The following IER3IP1 variants were observed in gnomAD, a reference collection of about 807,000 sequenced individuals.
IER3IP1 encodes the protein immediate early response 3-interacting protein 1.
IER3IP1 carries 16 observed loss-of-function variants against 12.2 expected under a neutral mutation model. The observed-to-expected ratio is 1.31, with a 90% confidence interval of 0.89 to 1.99. The LOEUF is 1.99. Among genes scored for constraint, IER3IP1 ranks in the 30% most tolerant of loss-of-function variants. The pLI is 0.00. For synonymous variants in IER3IP1, 42 were observed against 40.0 expected, an observed-to-expected ratio of 1.05 and a Z score of -0.19; for missense variants, 95 against 95.8, an observed-to-expected ratio of 0.99 and a Z score of 0.03.
chr18:47,162,692 G>A (rs1387179057), intron 1 of IER3IP1, among the ~76,000 whole-genome samples: 1 of 151,902 alleles, frequency 6.6e-6, no homozygotes, highest in Admixed American at 6.6e-5. Context: ...GAAAAAAAAA[G>A]AGGCAATTAT....
chr18:47,168,545 CT>C (rs1295620923), intron 1 of IER3IP1, among the ~76,000 whole-genome samples: 1 of 152,146 alleles, frequency 6.6e-6, no homozygotes, highest in African/African-American at 2.4e-5. Context: ...TTGTGCCTGT[CT>C]TTTGCTCAAA....
chr18:47,157,283 A>G (rs956720263), intron 2 of IER3IP1, 153 bp downstream of exon 2: 4 of 652,836 alleles, frequency 6.1e-6, no homozygotes, highest in Admixed American at 5.7e-5. Flanking sequence ...GAAAAAAAAA[A>G]AAAAAACCCA....
At position 47,170,866 on chromosome 18, in the gene IER3IP1, T is replaced by C. The variant is rs572510110; in HGVS notation, c.91+5321A>G. ...TTTTTTCAACCTCATAATCTGGATG[T>C]CTTTTCTTTTTTCTTGTCTAACTGT... On this transcript the variant is annotated intron_variant, in intron 1 of 2. Transcript: ENST00000256433. Among the ~76,000 whole-genome samples, 36 of 152,250 alleles carry C rather than the reference T, an allele frequency of 2.4e-4. No homozygotes were observed. The South Asian group carries it at 7.1e-3, about 30-fold the overall frequency.
At chr18:47,175,928 G>A (rs955989849) in intron 1 of IER3IP1, among the ~76,000 whole-genome samples, 1 of 151,814 alleles carries the variant, frequency 6.6e-6, no homozygotes, top group Non-Finnish European at 1.5e-5. Context: ...TGAAGTAATC[G>A]CAAGCAGAGG....
chr18:47,174,566 A>G (rs1181849402), intron 1 of IER3IP1, among the ~76,000 whole-genome samples: 1 of 151,920 alleles, frequency 6.6e-6, no homozygotes, highest in Non-Finnish European at 1.5e-5. Flanking sequence ...CCATTCGGGA[A>G]GCTGAGGCAG....
chr18:47,160,641 A>C (rs2063977043), intron 1 of IER3IP1, among the ~76,000 whole-genome samples: 2 of 152,198 alleles, frequency 1.3e-5, no homozygotes, highest in African/African-American at 4.8e-5. Flanking sequence ...ACCCAAAAAC[A>C]CACTAATCCC....
chr18:47,176,310 T>C lies in IER3IP1; in HGVS notation c.-33A>G. On this transcript the variant is annotated 5_prime_UTR_variant, in exon 1 of 3. Transcript: ENST00000256433. The stretch of plus-strand genomic sequence containing the variant: ...CGAGGCCGCCCCGAAGTCCAAGCGA[T>C]TTCTCTCCCGCCGCCGCAAGGGACG... 6.4e-7 allele frequency: 1 copy of C among 1,560,014 alleles called. No individual in the cohort carries two copies. Among genetic ancestry groups the C allele is most frequent in the South Asian group, 1.2e-5 (1 of 86,668 alleles).
intron 2 of IER3IP1, chr18:47,157,083 C>T (rs112199776): frequency 1.7e-5 from 4 of 232,784 alleles, no homozygotes; most frequent in East Asian, 1.2e-4. Flanking sequence ...TAAACCAACA[C>T]GCCCAGCTTT....
chr18:47,168,216 T>C (rs537405021), intron 1 of IER3IP1, among the ~76,000 whole-genome samples: 234 of 145,106 alleles, frequency 1.6e-3, no homozygotes, highest in African/African-American at 5.5e-3. Context: ...GAGGCAGAAT[T>C]GCTTGAACCT....
Position 47,176,327 on chromosome 18 carries a change from C to T in IER3IP1, c.-50G>A, listed in dbSNP as rs774972631. The T allele has an allele frequency of 1.1e-5, 17 of 1,508,688 alleles. No individual in the cohort carries two copies. Among genetic ancestry groups the T allele is most frequent in the Non-Finnish European group, 1.2e-5 (13 of 1,105,370 alleles). 93.5% of individuals were successfully genotyped at this position (1,508,688 alleles called of 1,614,324 possible). Reference sequence around the variant, plus strand: ...CCAAGCGATTTCTCTCCCGCCGCCGCAAGGGACGTGGCGCCTCCACGGCCG... The same window carrying T: ...CCAAGCGATTTCTCTCCCGCCGCCGTAAGGGACGTGGCGCCTCCACGGCCG... On this transcript the variant is annotated 5_prime_UTR_variant, in exon 1 of 3. Transcript: ENST00000256433.
rs984444679 is a variant in IER3IP1 at position 47,153,021 on chromosome 18, C to T, written c.*3156G>A. 1 of 152,142 alleles carries T rather than the reference C, an allele frequency of 6.6e-6. No individual in the cohort carries two copies. The highest frequency in any genetic ancestry group is 1.9e-4 in the East Asian group (1 of 5,192). The allele number at this position is 152,142 out of a possible 1,614,324, so 9.4% of individuals were successfully genotyped here. Reference sequence around the variant, plus strand: ...ACTGAGGTCTTAGGAAGTTTATTTGCTTTCAGTCACATGGTAAAAGGTTTG... The same window carrying T: ...ACTGAGGTCTTAGGAAGTTTATTTGTTTTCAGTCACATGGTAAAAGGTTTG... On this transcript the variant is annotated 3_prime_UTR_variant, in exon 3 of 3. Coordinates refer to ENST00000256433, the MANE Select transcript of IER3IP1 (RefSeq NM_016097.5).
intron 1 of IER3IP1, among the ~76,000 whole-genome samples, chr18:47,168,321 CA>C (rs201267745): frequency 0.011 from 1,520 of 133,038 alleles, 16 homozygotes; most frequent in Non-Finnish European, 0.018. Context: ...AAAAAAAAGA[CA>C]AAAAAAATCC....
intron 2 of IER3IP1, 144 bp downstream of exon 2, chr18:47,157,292 C>T (rs1352166640): frequency 6.1e-6 from 4 of 650,612 alleles, no homozygotes; most frequent in African/African-American, 3.7e-5. Flanking sequence ...AAAAAAAACC[C>T]AGTAACTTTC....
In IER3IP1 at chr18:47,158,968, A is replaced by T. The variant is rs563773343; in HGVS notation, c.92-1431T>A. Among the ~76,000 whole-genome samples, 30 of 152,022 alleles carry T rather than the reference A, an allele frequency of 2.0e-4. No homozygotes were observed. In the East Asian group the frequency reaches 4.1e-3, roughly 21 times the overall value. On this transcript the variant is annotated intron_variant, in intron 1 of 2. Coordinates refer to ENST00000256433, the MANE Select transcript of IER3IP1 (RefSeq NM_016097.5). Reference sequence around the variant, plus strand: ...ACAGAGACCCTGTCTCAAATTAAAAATTTTTTTTAAAGAGGCAAATGTGTC... The same window carrying T: ...ACAGAGACCCTGTCTCAAATTAAAATTTTTTTTTAAAGAGGCAAATGTGTC...
At chr18:47,175,919 G>T (rs1161496417) in intron 1 of IER3IP1, among the ~76,000 whole-genome samples, 1 of 152,006 alleles carries the variant, frequency 6.6e-6, no homozygotes, top group Non-Finnish European at 1.5e-5. Flanking sequence ...TTACTGACCT[G>T]AAGTAATCGC....
chr18:47,174,819 A>T (rs2064026648), intron 1 of IER3IP1, among the ~76,000 whole-genome samples: 1 of 152,088 alleles, frequency 6.6e-6, no homozygotes, highest in Admixed American at 6.5e-5. Flanking sequence ...TTTTCACACC[A>T]GGTCTACACT....
rs528217217 is a variant in IER3IP1 at position 47,153,020 on chromosome 18, G to C, written c.*3157C>G. On this transcript the variant is annotated 3_prime_UTR_variant, in exon 3 of 3. Transcript: ENST00000256433. ...TACTGAGGTCTTAGGAAGTTTATTT[G>C]CTTTCAGTCACATGGTAAAAGGTTT... The C allele has an allele frequency of 2.0e-5, 3 of 152,282 alleles. No homozygotes were observed. Among genetic ancestry groups the C allele is most frequent in the African/African-American group, 7.2e-5 (3 of 41,554 alleles). 9.4% of individuals were successfully genotyped at this position (152,282 alleles called of 1,614,324 possible). A position where few individuals can be genotyped will look rare whatever the true frequency, so the allele number is the denominator to read the frequency against.
chr18:47,166,504 T>C (rs925489486), intron 1 of IER3IP1, among the ~76,000 whole-genome samples: 1 of 151,826 alleles, frequency 6.6e-6, no homozygotes, highest in African/African-American at 2.4e-5. Context: ...GTGGTAAAAA[T>C]GGTACACAGG....
At chr18:47,174,708 T>G (rs2064026217) in intron 1 of IER3IP1, among the ~76,000 whole-genome samples, 1 of 151,840 alleles carries the variant, frequency 6.6e-6, no homozygotes, top group Admixed American at 6.6e-5. Flanking sequence ...TCCACTGCTT[T>G]CCCTTCCAAT....
Sources: allele counts gnomAD v4.1 joint callset (sites outside exome capture counted in the v4.1 genomes callset), GRCh38; gene constraint gnomAD v4.1.1; transcripts MANE v1.5; gene names NCBI Gene and HGNC (gene_info 2026-07-23, HGNC 2026-07-21).